The following OTOGL variants were observed in gnomAD, a reference collection of about 807,000 sequenced individuals.
The protein encoded by OTOGL is otogelin-like protein.
OTOGL carries 285 observed loss-of-function variants against 318.5 expected under a neutral mutation model. The observed-to-expected ratio is 0.89, with a 90% CI of 0.81 to 0.99. The LOEUF (loss-of-function observed/expected upper bound fraction) is 0.99. Ranked by LOEUF, OTOGL falls within the 50% of genes least tolerant of loss-of-function variation. The pLI is 0.00. For synonymous variants in OTOGL, 987 were observed against 936.5 expected, an observed-to-expected ratio of 1.05 and a Z score of -0.99; for missense variants, 2,899 against 2,845.6, an observed-to-expected ratio of 1.02 and a Z score of -0.43.
chr12:80,285,336 G>A (rs1368086917), intron 26 of OTOGL, among the ~76,000 whole-genome samples: 1 of 151,948 alleles, frequency 6.6e-6, no homozygotes, highest in Non-Finnish European at 1.5e-5. Context: ...TGTTCCTTTT[G>A]CTTAGTATTA....
intron 28 of OTOGL, among the ~76,000 whole-genome samples, chr12:80,305,080 G>T: frequency 6.6e-6 from 1 of 152,098 alleles, no homozygotes; most frequent in East Asian, 1.9e-4. Flanking sequence ...TGGTTAACTT[G>T]TTTCTAACAG....
chr12:80,145,381 T>C (rs1322661866), intron 1 of OTOGL, among the ~76,000 whole-genome samples: 1 of 152,132 alleles, frequency 6.6e-6, no homozygotes, highest in Non-Finnish European at 1.5e-5. Context: ...TATGCGGCGT[T>C]ATTTCTGAGG....
chr12:80,310,434 A>G (rs1475516049), intron 29 of OTOGL, among the ~76,000 whole-genome samples, 177 bp from the exon 30 acceptor site: 1 of 152,252 alleles, frequency 6.6e-6, no homozygotes, highest in East Asian at 1.9e-4. Flanking sequence ...AGTTGCTTTC[A>G]AAAATAATAT....
intron 1 of OTOGL, among the ~76,000 whole-genome samples, chr12:80,108,771 G>GTATA (rs72466250): frequency 3.9e-5 from 5 of 129,458 alleles, no homozygotes; most frequent in African/African-American, 1.2e-4. Flanking sequence ...ATATATACAC[G>GTATA]TATATATATA....
In OTOGL at chr12:80,242,137, A is replaced by G. The variant is rs1440034818; in HGVS notation, c.1052+2698A>G. 2.6e-5 allele frequency among the ~76,000 whole-genome samples: 4 copies of G among 152,254 alleles called. No homozygotes were observed. In the East Asian group the frequency reaches 7.7e-4, roughly 29 times the overall value. ...TCTGATACTAAAAAGGAGAAGGGGG[A>G]ACTGGAGATAAAAATCAGTCTCTGC... On this transcript the variant is annotated intron_variant, in intron 11 of 58. Transcript: ENST00000547103.
intron 44 of OTOGL, among the ~76,000 whole-genome samples, chr12:80,351,103 A>G (rs1440336248): frequency 6.6e-6 from 1 of 152,114 alleles, no homozygotes; most frequent in Non-Finnish European, 1.5e-5. Flanking sequence ...TAAGGATCTA[A>G]TGTCATTCAA....
chr12:80,121,525 C>CACAAACTG (rs2137099346), intron 1 of OTOGL, among the ~76,000 whole-genome samples: 1 of 152,256 alleles, frequency 6.6e-6, no homozygotes, highest in East Asian at 1.9e-4. Context: ...GTCTATATAA[C>CACAAACTG]ACAAACTGGA....
At chr12:80,289,348 G>C (rs921814744) in intron 26 of OTOGL, among the ~76,000 whole-genome samples, 29 of 152,206 alleles carry the variant, frequency 1.9e-4, no homozygotes, top group Non-Finnish European at 3.2e-4. Context: ...ACTAGGAAGT[G>C]TCTCCCAGTC....
At chr12:80,178,600 C>T (rs909272128) in intron 1 of OTOGL, among the ~76,000 whole-genome samples, 1 of 152,144 alleles carries the variant, frequency 6.6e-6, no homozygotes, top group African/African-American at 2.4e-5. Flanking sequence ...GTGCTCTCTC[C>T]CTACACAAGC....
chr12:80,194,337 T>A (rs187496209), intron 1 of OTOGL, among the ~76,000 whole-genome samples: 11 of 152,352 alleles, frequency 7.2e-5, no homozygotes, highest in Non-Finnish European at 1.0e-4. Flanking sequence ...CCTTTTTGCT[T>A]AATGCTTGGG....
chr12:80,362,217 A>G (rs1436399701), intron 52 of OTOGL, among the ~76,000 whole-genome samples: 3 of 152,202 alleles, frequency 2.0e-5, no homozygotes, highest in Non-Finnish European at 2.9e-5. Context: ...AATTGTTCCA[A>G]CATCATTTAT....
chr12:80,254,462 G>C, intron 14 of OTOGL, 62 bp from the exon 15 acceptor site: 1 of 1,358,570 alleles, frequency 7.4e-7, no homozygotes, highest in Non-Finnish European at 1.0e-6. Context: ...TCAATACATT[G>C]ATGCAAACAT....
At chr12:80,170,059 T>C (rs1874085575) in intron 1 of OTOGL, among the ~76,000 whole-genome samples, 1 of 152,114 alleles carries the variant, frequency 6.6e-6, no homozygotes, top group Non-Finnish European at 1.5e-5. Context: ...TAAGTGGATG[T>C]TTATCTTTGT....
chr12:80,357,483 A>AT (rs1889981180), intron 49 of OTOGL, among the ~76,000 whole-genome samples: 1 of 152,104 alleles, frequency 6.6e-6, no homozygotes, highest in South Asian at 2.1e-4. Flanking sequence ...AATCAAAACA[A>AT]TTTCTTTGCA....
At position 80,336,555 on chromosome 12, in the gene OTOGL, G is replaced by A. The variant is rs754043617; in HGVS notation, c.4743G>A (p.Gln1581=). Residue 1581 remains glutamine (Q), a splice_region_variant and synonymous_variant, in exon 40 of 59, where the codon CAG becomes CAA. Coordinates refer to ENST00000547103, the MANE Select transcript of OTOGL (RefSeq NM_001378609.3). Reference sequence around the variant, plus strand: ...ATATCGAAAAATGTTCCATGAATCAGGTGGGTCATAATTTATTTTTGCAGT... The same window carrying A: ...ATATCGAAAAATGTTCCATGAATCAAGTGGGTCATAATTTATTTTTGCAGT... ...VAHIEKCSMN[Q]NGNSLKKLAP... is the part of the protein sequence containing the mutation. 1.2e-6 allele frequency: 2 copies of A among 1,604,774 alleles called. No individual in the cohort carries two copies. The highest frequency in any genetic ancestry group is 2.2e-5 in the South Asian group (2 of 89,696).
intron 11 of OTOGL, among the ~76,000 whole-genome samples, chr12:80,242,060 G>T (rs547019372): frequency 6.6e-6 from 1 of 152,260 alleles, no homozygotes; most frequent in Admixed American, 6.5e-5. Flanking sequence ...AAGAGAAGCC[G>T]AAACATGTTG....
chr12:80,120,347 G>T (rs1165547513), intron 1 of OTOGL, among the ~76,000 whole-genome samples: 3 of 151,914 alleles, frequency 2.0e-5, no homozygotes, highest in Non-Finnish European at 2.9e-5. Flanking sequence ...TCCTAGCTGG[G>T]TTATTTTATT....
rs529673640 is a variant in OTOGL at position 80,199,786 on chromosome 12, A to G, written c.-19-9627A>G. 4.4e-4 allele frequency among the ~76,000 whole-genome samples: 67 copies of G among 152,346 alleles called. 1 individual carries two copies. The Middle Eastern group carries it at 0.014, about 31-fold the overall frequency. Reference sequence around the variant, plus strand: ...TGCAGCTGCATGCAATGTAGCTCAAACCAGGAGGAAAGCCAGATGCTGGAT... The same window carrying G: ...TGCAGCTGCATGCAATGTAGCTCAAGCCAGGAGGAAAGCCAGATGCTGGAT... On this transcript the variant is annotated intron_variant, in intron 1 of 58. Transcript: ENST00000547103.
intron 44 of OTOGL, chr12:80,343,526 T>TTTG (rs1555301046): frequency 2.5e-5 from 3 of 118,160 alleles, no homozygotes; most frequent in Non-Finnish European, 4.8e-5. Context: ...TTTTTTTTTT[T>TTTG]TTTTTTTTTT....
Sources: allele counts gnomAD v4.1 joint callset (sites outside exome capture counted in the v4.1 genomes callset), GRCh38; gene constraint gnomAD v4.1.1; transcripts MANE v1.5; gene names NCBI Gene and HGNC (gene_info 2026-07-23, HGNC 2026-07-21).